The following RNF145 variants were observed in gnomAD, a reference collection of about 807,000 sequenced individuals.
RNF145 encodes ring finger protein 145.
RNF145 carries 12 observed loss-of-function variants against 57.3 expected under a neutral mutation model. That is an observed-to-expected ratio of 0.21 (90% confidence interval 0.13 to 0.34). The LOEUF is 0.34. RNF145 is among the 10% of genes least tolerant of loss of function. The pLI is 1.00. For missense variants in RNF145, 429 were observed against 799.0 expected (o/e 0.54, Z 5.58); for synonymous variants, 262 against 288.3 (o/e 0.91, Z 0.92).
intron 3 of RNF145, among the ~76,000 whole-genome samples, chr5:159,183,444 C>T (rs1784959019): frequency 6.6e-6 from 1 of 152,064 alleles, no homozygotes; most frequent in African/African-American, 2.4e-5. Context: ...TCATCCAGTC[C>T]AAAATGTCAA....
At chr5:159,203,179 T>A (rs1276962906) in intron 2 of RNF145, among the ~76,000 whole-genome samples, 1 of 152,190 alleles carries the variant, frequency 6.6e-6, no homozygotes, top group African/African-American at 2.4e-5. Context: ...TTCATCATAT[T>A]AAAATCTAGA....
chr5:159,183,864 A>C (rs980057301), intron 3 of RNF145, among the ~76,000 whole-genome samples: 1 of 152,180 alleles, frequency 6.6e-6, no homozygotes, highest in African/African-American at 2.4e-5. Context: ...ATGAGTACTG[A>C]GTTTTGTTTT....
intron 6 of RNF145, among the ~76,000 whole-genome samples, chr5:159,171,177 T>G (rs2113117534): frequency 6.6e-6 from 1 of 152,288 alleles, no homozygotes; most frequent in African/African-American, 2.4e-5. Context: ...ATAATTAATT[T>G]TATGACATTC....
At position 159,196,227 on chromosome 5, in the gene RNF145, G is replaced by A. The variant is rs1785454908; in HGVS notation, c.185-1403C>T. Among the ~76,000 whole-genome samples, 3 of 109,120 alleles carry A rather than the reference G, an allele frequency of 2.7e-5. No homozygotes were observed. In the South Asian group the frequency reaches 1.0e-3, roughly 38 times the overall value. 71.6% of individuals were successfully genotyped at this position (109,120 alleles called of 152,430 possible). A position where few individuals can be genotyped will look rare whatever the true frequency, so the allele number is the denominator to read the frequency against. On this transcript the variant is annotated intron_variant, in intron 2 of 10. Transcript: ENST00000424310. ...TTCATAAACTTTCTTAAAATATTAT[G>A]AGTTTTTTTTTTTTTTTTTGCAATT...
chr5:159,208,187 G>A, intron 1 of RNF145: 4 of 1,353,322 alleles, frequency 3.0e-6, no homozygotes, highest in African/African-American at 1.5e-5. Flanking sequence ...CCCAGCTCGC[G>A]GCAAGCAGGC....
chr5:159,209,424 A>AGCGGCC lies in RNF145; in HGVS notation c.-239_-234dup. 1 of 972,622 alleles carries AGCGGCC rather than the reference A, an allele frequency of 1.0e-6. No homozygotes were observed. Among genetic ancestry groups the AGCGGCC allele is most frequent in the Non-Finnish European group, 1.2e-6 (1 of 819,178 alleles). The allele number at this position is 972,622 out of a possible 1,614,324, so 60.2% of individuals were successfully genotyped here. On this transcript the variant is annotated 5_prime_UTR_variant, in exon 1 of 11. Transcript: ENST00000424310. ...GGGAGGCGGAGGCAGCGGCAGCGGC[A>AGCGGCC]GCGGCCCGGCCCGTACGGTCACCAT...
intron 2 of RNF145, among the ~76,000 whole-genome samples, chr5:159,199,815 T>A (rs1441430724): frequency 6.6e-6 from 1 of 152,168 alleles, no homozygotes; most frequent in African/African-American, 2.4e-5. Context: ...CTTCTACTCC[T>A]CCTTTCATAT....
At chr5:159,159,179 T>A (rs935541243) in intron 10 of RNF145, 144 bp from the exon 11 acceptor site, 4 of 693,392 alleles carry the variant, frequency 5.8e-6, no homozygotes, top group African/African-American at 1.8e-5. Flanking sequence ...ACTTTATATA[T>A]CAGTAATAAT....
chr5:159,194,672 T>A, intron 3 of RNF145, 44 bp downstream of exon 3: 1 of 1,247,812 alleles, frequency 8.0e-7, no homozygotes, highest in Non-Finnish European at 1.2e-6. Context: ...AAAAGAAAAC[T>A]TTAAATTCAA....
chr5:159,203,639 T>G lies in RNF145; in HGVS notation c.-22A>C. The stretch of plus-strand genomic sequence containing the variant: ...CCATGTTGTTTTTTTTTTTCTTTTT[T>G]TTTTTCTTGGAGAAGACCTAAAATT... On this transcript the variant is annotated 5_prime_UTR_variant, in exon 2 of 11. Coordinates refer to ENST00000424310, the MANE Select transcript of RNF145 (RefSeq NM_001199383.2). 1 of 1,592,860 alleles carries G rather than the reference T, an allele frequency of 6.3e-7. No homozygotes were observed. Among genetic ancestry groups the G allele is most frequent in the Non-Finnish European group, 8.5e-7 (1 of 1,174,366 alleles).
At chr5:159,168,308 C>T (rs1242905378) in intron 8 of RNF145, among the ~76,000 whole-genome samples, 1 of 152,032 alleles carries the variant, frequency 6.6e-6, no homozygotes, top group African/African-American at 2.4e-5. Context: ...GTACATGAAT[C>T]CAACTATTAA....
chr5:159,187,548 C>T (rs911692621), intron 3 of RNF145, among the ~76,000 whole-genome samples: 3 of 151,934 alleles, frequency 2.0e-5, no homozygotes, highest in Admixed American at 1.3e-4. Flanking sequence ...AGGCTGGTCT[C>T]GAATGCCTGA....
At chr5:159,193,072 T>G (rs546337900) in intron 3 of RNF145, among the ~76,000 whole-genome samples, 6 of 152,318 alleles carry the variant, frequency 3.9e-5, no homozygotes, top group African/African-American at 1.4e-4. Context: ...GTATCAGTAT[T>G]GGTGCTTGGA....
intron 8 of RNF145, among the ~76,000 whole-genome samples, chr5:159,165,198 G>A (rs962784070): frequency 7.2e-5 from 11 of 152,088 alleles, no homozygotes; most frequent in Non-Finnish European, 5.9e-5. Flanking sequence ...TGAAGGCCTG[G>A]AGAATAAACC....
Position 159,161,723 on chromosome 5 carries a change from C to T in RNF145, c.1270-101G>A. The T allele has an allele frequency of 7.5e-6, 5 of 666,528 alleles. No individual in the cohort carries two copies. The South Asian group carries it at 9.8e-5, about 13-fold the overall frequency. The allele number at this position is 666,528 out of a possible 1,614,324, so 41.3% of individuals were successfully genotyped here. ...ACACATTCCTGATGTTTTTAGGGTG[C>T]AATATTTCAAATATACAGAAGAGTA... On this transcript the variant is annotated intron_variant, in intron 9 of 10. Coordinates refer to ENST00000424310, the MANE Select transcript of RNF145 (RefSeq NM_001199383.2).
intron 10 of RNF145, among the ~76,000 whole-genome samples, chr5:159,160,303 TTAGC>T (rs1348738946): frequency 3.3e-5 from 5 of 152,318 alleles, no homozygotes; most frequent in Admixed American, 6.5e-5. Flanking sequence ...AGAACATTGT[TTAGC>T]TAGGATCAAA....
chr5:159,203,590 C>A lies in RNF145; in HGVS notation c.28G>T (p.Val10Leu). The A allele has an allele frequency of 6.2e-7, 1 of 1,613,884 alleles. No homozygotes were observed. The highest frequency in any genetic ancestry group is 8.5e-7 in the Non-Finnish European group (1 of 1,179,974). The part of the protein sequence containing the change: MAAKEKLEA[V>L]LNVALRVPSI... ...GGCACCCTCAGGGCCACATTTAACA[C>A]TGCCTCCAGTTTCTCCTTTGCAGCC... is the stretch of plus-strand genomic sequence containing the variant. The change falls in exon 2 of 11, where the codon GTG becomes TTG. Residue 10 changes from valine (V) to leucine (L), a missense_variant. Val to Leu is a conservative substitution (Grantham distance 32, BLOSUM62 1). Transcript: ENST00000424310.
intron 6 of RNF145, among the ~76,000 whole-genome samples, chr5:159,171,646 C>CT (rs34846670): frequency 4.0e-5 from 6 of 151,654 alleles, no homozygotes; most frequent in African/African-American, 7.3e-5. Context: ...CAAAAAAAAC[C>CT]TTTTTTTTGA....
chr5:159,169,851 T>C (rs1383567134), intron 6 of RNF145, 32 bp from the exon 7 acceptor site: 2 of 1,562,316 alleles, frequency 1.3e-6, no homozygotes, highest in Middle Eastern at 1.7e-4. Context: ...TTAACAGACA[T>C]AAACTTTCCA....
Sources: allele counts gnomAD v4.1 joint callset (sites outside exome capture counted in the v4.1 genomes callset), GRCh38; gene constraint gnomAD v4.1.1; transcripts MANE v1.5; gene names NCBI Gene and HGNC (gene_info 2026-07-23, HGNC 2026-07-21).